The following ATP5F1C variants were observed in gnomAD, a reference collection of about 807,000 sequenced individuals.
The protein encoded by ATP5F1C is ATP synthase F1 subunit gamma.
ATP5F1C carries 22 observed loss-of-function variants against 37.4 expected under a neutral mutation model. That is an observed-to-expected ratio of 0.59 (90% confidence interval 0.42 to 0.84). ATP5F1C has a LOEUF of 0.84. ATP5F1C is among the 40% of genes least tolerant of loss of function. ATP5F1C has a pLI of 0.00. For missense variants in ATP5F1C, 286 were observed against 362.4 expected, an observed-to-expected ratio of 0.79 and a Z score of 1.71; for synonymous variants, 121 against 128.0, an observed-to-expected ratio of 0.95 and a Z score of 0.37.
At chr10:7,805,241 C>T (rs1836452033) in intron 8 of ATP5F1C, among the ~76,000 whole-genome samples, 1 of 152,178 alleles carries the variant, frequency 6.6e-6, no homozygotes, top group African/African-American at 2.4e-5. Context: ...TCCTTCTTGC[C>T]ATCTACCCCA....
At chr10:7,806,861 C>A in intron 8 of ATP5F1C, 113 bp from the exon 9 acceptor site, 1 of 828,652 alleles carries the variant, frequency 1.2e-6, no homozygotes, top group Non-Finnish European at 2.0e-6. Context: ...CTCAAGGTAT[C>A]AAGTTTAACA....
chr10:7,804,151 A>G (rs148797514), intron 8 of ATP5F1C: 3 of 519,076 alleles, frequency 5.8e-6, no homozygotes, highest in East Asian at 1.1e-4. Flanking sequence ...TTAAAGGGAT[A>G]TAAGAAAAAG....
intron 8 of ATP5F1C, among the ~76,000 whole-genome samples, chr10:7,805,746 CAAAAA>C (rs547312025): frequency 1.1e-4 from 10 of 89,888 alleles, no homozygotes; most frequent in South Asian, 3.8e-4. Context: ...GACTCCTTCT[CAAAAA>C]AAAAAAAAAA....
chr10:7,798,518 T>A (rs994474907), intron 3 of ATP5F1C, among the ~76,000 whole-genome samples: 2 of 152,210 alleles, frequency 1.3e-5, no homozygotes, highest in African/African-American at 4.8e-5. Context: ...GCCATTCTCC[T>A]GCCTCAGCCT....
At chr10:7,802,963 A>G in intron 8 of ATP5F1C, 109 bp downstream of exon 8, 1 of 857,512 alleles carries the variant, frequency 1.2e-6, no homozygotes, top group Non-Finnish European at 1.8e-6. Flanking sequence ...GTTGAAACTC[A>G]TTGCTGAAAC....
At chr10:7,799,421 C>T (rs1836308395) in intron 4 of ATP5F1C, 5 of 564,158 alleles carry the variant, frequency 8.9e-6, no homozygotes, top group South Asian at 6.5e-5. Context: ...CTTCTTCATC[C>T]GGATCATAAG....
intron 8 of ATP5F1C, 50 bp downstream of exon 8, chr10:7,802,904 G>C: frequency 6.6e-7 from 1 of 1,511,248 alleles, no homozygotes; most frequent in Non-Finnish European, 9.1e-7. Context: ...TCCTCTTGCT[G>C]TGTCTGCTTG....
At chr10:7,795,795 G>A (rs532791571) in intron 1 of ATP5F1C, among the ~76,000 whole-genome samples, 8 of 152,068 alleles carry the variant, frequency 5.3e-5, no homozygotes, top group Non-Finnish European at 8.8e-5. Flanking sequence ...AGCTTAACAA[G>A]GGGAGGGGCT....
At chr10:7,805,387 G>A (rs1269109591) in intron 8 of ATP5F1C, among the ~76,000 whole-genome samples, 2 of 152,164 alleles carry the variant, frequency 1.3e-5, no homozygotes, top group Admixed American at 6.5e-5. Context: ...ACAAACGAAT[G>A]TTAGGTATGA....
rs752062211 is a variant in ATP5F1C, at chr10:7,796,102, T to C, written c.57-19T>C. 1 of 1,578,358 alleles carries C rather than the reference T, an allele frequency of 6.3e-7. No individual in the cohort carries two copies. The highest frequency in any genetic ancestry group is 2.0e-5 in the Admixed American group (1 of 49,938). On this transcript the variant is annotated intron_variant, in intron 1 of 9. Coordinates refer to ENST00000356708, the MANE Select transcript of ATP5F1C (RefSeq NM_001001973.3). ...TATTTTTCAAAAAACTGAAACATTT[T>C]TAAAACTTTTATCCTCAGGATTCAA... is the stretch of plus-strand genomic sequence containing the variant.
intron 3 of ATP5F1C, among the ~76,000 whole-genome samples, chr10:7,798,639 G>A (rs554449299): frequency 7.9e-5 from 12 of 152,218 alleles, no homozygotes; most frequent in Admixed American, 5.2e-4. Flanking sequence ...CTTGTGATCC[G>A]CCCGCCTTGG....
In ATP5F1C at chr10:7,801,145, G is replaced by A. The variant is rs118094601; in HGVS notation, c.637+1054G>A. 9.4e-3 allele frequency among the ~76,000 whole-genome samples: 1,431 copies of A among 151,940 alleles called. 5 individuals carry two copies. The highest frequency in any genetic ancestry group is 0.014 in the Non-Finnish European group (930 of 67,918). ...GAATAATATTCTGGAACTGATTTTA[G>A]TTTTCTAAGGCTTTTTTCCCTTGTA... On this transcript the variant is annotated intron_variant, in intron 6 of 9. Coordinates refer to ENST00000356708, the MANE Select transcript of ATP5F1C (RefSeq NM_001001973.3).
chr10:7,802,078 T>C (rs1836376662), intron 6 of ATP5F1C, among the ~76,000 whole-genome samples, 192 bp from the exon 7 acceptor site: 1 of 152,246 alleles, frequency 6.6e-6, no homozygotes, highest in Non-Finnish European at 1.5e-5. Flanking sequence ...ATTTACACAT[T>C]ATATTTTGCT....
chr10:7,807,001 C>T lies in ATP5F1C; in HGVS notation c.*21C>T, dbSNP rs1333295524. 1.9e-6 allele frequency: 3 copies of T among 1,611,802 alleles called. No homozygotes were observed. The highest frequency in any genetic ancestry group is 2.2e-5 in the South Asian group (2 of 90,984). On this transcript the variant is annotated 3_prime_UTR_variant, in exon 9 of 10. Transcript: ENST00000356708. The stretch of plus-strand genomic sequence containing the variant: ...ATTAATGAAAATCAAGTTCCATCCT[C>T]AGACAAGAGGTAAAGTTCACACATT...
chr10:7,806,926 T>C (rs1336628370), intron 8 of ATP5F1C, 48 bp from the exon 9 acceptor site: 1 of 1,538,856 alleles, frequency 6.5e-7, no homozygotes, highest in African/African-American at 1.4e-5. Context: ...GATTGCTTCT[T>C]GACCTGCTTG....
intron 8 of ATP5F1C, among the ~76,000 whole-genome samples, chr10:7,803,476 T>C (rs550877510): frequency 1.3e-5 from 2 of 150,290 alleles, no homozygotes; most frequent in African/African-American, 4.8e-5. Context: ...ATGTAAATTG[T>C]TGTTGTATTG....
chr10:7,802,732 A>C (rs1474958843), intron 7 of ATP5F1C, 26 bp from the exon 8 acceptor site: 2 of 1,597,144 alleles, frequency 1.3e-6, no homozygotes, highest in Non-Finnish European at 1.7e-6. Context: ...CAGATTTTTT[A>C]TGTAGTGTTT....
At position 7,799,206 on chromosome 10, in the gene ATP5F1C, ATATAT is replaced by A; in HGVS notation, c.428+14_428+18del. The stretch of plus-strand genomic sequence containing the variant: ...GGCATACTTTATAGGTAATTTAAAT[ATATAT>A]TGTTTATTTTCATAAAGATGTAAGC... On this transcript the variant is annotated intron_variant, in intron 4 of 9. Transcript: ENST00000356708. 6.2e-7 allele frequency: 1 copy of A among 1,603,716 alleles called. No homozygotes were observed. Among genetic ancestry groups the A allele is most frequent in the East Asian group, 2.3e-5 (1 of 44,438 alleles).
At chr10:7,800,687 A>G (rs1244429) in intron 6 of ATP5F1C, among the ~76,000 whole-genome samples, 147,317 of 152,110 alleles carry the variant, frequency 0.97, 71,522 homozygotes, top group East Asian at 1. Flanking sequence ...TAGAGACAGC[A>G]TTTCACCGTG....
Sources: allele counts gnomAD v4.1 joint callset (sites outside exome capture counted in the v4.1 genomes callset), GRCh38; gene constraint gnomAD v4.1.1; transcripts MANE v1.5; gene names NCBI Gene and HGNC (gene_info 2026-07-23, HGNC 2026-07-21).